Variants in INIP observed in about 807,000 individuals in gnomAD.
INIP encodes the protein SOSS complex subunit C.
A neutral mutation model predicts 14.0 loss-of-function variants in INIP; 9 were observed. The ratio of observed to expected loss-of-function variants is 0.64; its 90% CI spans 0.39 to 1.12. The LOEUF (loss-of-function observed/expected upper bound fraction) is 1.12. INIP is among the 50% of genes most tolerant of loss of function. The pLI is 0.01. For missense variants in INIP, 78 were observed against 122.7 expected (o/e 0.64, Z 1.72); for synonymous variants, 37 against 41.5 (o/e 0.89, Z 0.41).
At position 112,684,043 on chromosome 9, in the gene INIP, T is replaced by A. The variant is rs1260288449; in HGVS notation, c.*3495A>T. 3 of 152,106 alleles carry A rather than the reference T, an allele frequency of 2.0e-5. No individual in the cohort carries two copies. Among genetic ancestry groups the A allele is most frequent in the Admixed American group, 2.0e-4 (3 of 15,270 alleles). 9.4% of individuals were successfully genotyped at this position (152,106 alleles called of 1,614,324 possible). A position where few individuals can be genotyped will look rare whatever the true frequency, so the allele number is the denominator to read the frequency against. ...TGCCATAACTCACAGTAAAAAAAAA[T>A]ACATTTTATATTGCAACTCAAGTCT... is the stretch of plus-strand genomic sequence containing the variant. On this transcript the variant is annotated 3_prime_UTR_variant, in exon 5 of 5. Transcript: ENST00000374242.
intron 2 of INIP, among the ~76,000 whole-genome samples, chr9:112,713,898 C>T (rs796694781): frequency 7.9e-5 from 12 of 151,800 alleles, no homozygotes; most frequent in East Asian, 3.9e-4. Context: ...GCAGGAGAAT[C>T]GCTTGAACCC....
At chr9:112,693,927 T>A in intron 3 of INIP, 1 of 351,154 alleles carries the variant, frequency 2.8e-6, no homozygotes, top group Non-Finnish European at 5.1e-6. Context: ...ATACAAAAAT[T>A]TGCTGGGTGT....
intron 2 of INIP, among the ~76,000 whole-genome samples, chr9:112,707,644 C>T (rs1248050903): frequency 6.6e-6 from 1 of 152,102 alleles, no homozygotes; most frequent in Non-Finnish European, 1.5e-5. Context: ...TAAAGACTAA[C>T]TGAAATTCTT....
At chr9:112,696,863 G>A (rs1321672493) in intron 2 of INIP, among the ~76,000 whole-genome samples, 1 of 152,196 alleles carries the variant, frequency 6.6e-6, no homozygotes. Flanking sequence ...AAGGGACATG[G>A]AGCTTTAACA....
At chr9:112,694,752 T>C (rs1421646914) in intron 2 of INIP, among the ~76,000 whole-genome samples, 1 of 152,196 alleles carries the variant, frequency 6.6e-6, no homozygotes, top group Non-Finnish European at 1.5e-5. Flanking sequence ...TCCATTCAGA[T>C]ATGTTGGATA....
In INIP at chr9:112,684,863, G is replaced by C. The variant is rs1446043393; in HGVS notation, c.*2675C>G. 6.6e-6 allele frequency: 1 copy of C among 152,178 alleles called. No homozygotes were observed. Among genetic ancestry groups the C allele is most frequent in the Non-Finnish European group, 1.5e-5 (1 of 68,048 alleles). The allele number at this position is 152,178 out of a possible 1,614,324, so 9.4% of individuals were successfully genotyped here. On this transcript the variant is annotated 3_prime_UTR_variant, in exon 5 of 5. Coordinates refer to ENST00000374242, the MANE Select transcript of INIP (RefSeq NM_021218.3). ...AGTTCCTCAAATTCACCCATGATCT[G>C]AGGGAAGCAATGCTGACCTCCACCT... is the stretch of plus-strand genomic sequence containing the variant.
intron 3 of INIP, among the ~76,000 whole-genome samples, chr9:112,692,652 A>C (rs897707258): frequency 6.6e-6 from 1 of 151,886 alleles, no homozygotes; most frequent in Non-Finnish European, 1.5e-5. Flanking sequence ...TCATCAAGCT[A>C]CCTAAATTTG....
At chr9:112,707,130 G>A (rs1838499130) in intron 2 of INIP, among the ~76,000 whole-genome samples, 1 of 151,824 alleles carries the variant, frequency 6.6e-6, no homozygotes, top group African/African-American at 2.4e-5. Flanking sequence ...GTAGAGATGG[G>A]GTTTCTCCAT....
At chr9:112,691,607 G>A (rs1283035892) in intron 3 of INIP, among the ~76,000 whole-genome samples, 1 of 152,246 alleles carries the variant, frequency 6.6e-6, no homozygotes. Context: ...TCGAAGGGCT[G>A]TCAGCATTCA....
At chr9:112,716,284 C>A (rs942088723) in intron 2 of INIP, among the ~76,000 whole-genome samples, 177 bp downstream of exon 2, 6 of 152,100 alleles carry the variant, frequency 3.9e-5, no homozygotes, top group African/African-American at 1.4e-4. Context: ...TCAAGCAGTC[C>A]ACCCGACTTG....
At chr9:112,689,421 A>C (rs1659519335) in intron 4 of INIP, 106 bp downstream of exon 4, 2 of 884,748 alleles carry the variant, frequency 2.3e-6, no homozygotes, top group South Asian at 2.9e-5. Flanking sequence ...TTATGTGTGG[A>C]ACATTTTTAT....
chr9:112,687,931 A>G (rs1452463546), intron 4 of INIP, among the ~76,000 whole-genome samples: 1 of 151,938 alleles, frequency 6.6e-6, no homozygotes, highest in Non-Finnish European at 1.5e-5. Context: ...TAAAAATACA[A>G]AAAAGTTAGC....
At chr9:112,704,988 G>A (rs931956205) in intron 2 of INIP, among the ~76,000 whole-genome samples, 18 of 151,634 alleles carry the variant, frequency 1.2e-4, no homozygotes, top group African/African-American at 4.8e-5. Flanking sequence ...GTGCACACTT[G>A]TGGTCCCAGT....
At chr9:112,693,471 T>C (rs571862912) in intron 3 of INIP, among the ~76,000 whole-genome samples, 1 of 152,340 alleles carries the variant, frequency 6.6e-6, no homozygotes, top group East Asian at 1.9e-4. Context: ...AAAATCCCTT[T>C]TGTTTGTTCC....
chr9:112,702,565 A>T (rs1264815086), intron 2 of INIP, among the ~76,000 whole-genome samples: 1 of 152,028 alleles, frequency 6.6e-6, no homozygotes, highest in East Asian at 1.9e-4. Flanking sequence ...GAATTTTTTT[A>T]TTATTTATTT....
intron 3 of INIP, among the ~76,000 whole-genome samples, chr9:112,690,644 C>G (rs1470938013): frequency 6.6e-6 from 1 of 152,202 alleles, no homozygotes; most frequent in Non-Finnish European, 1.5e-5. Flanking sequence ...CAGGCTCATG[C>G]CCCAGGGGGT....
chr9:112,687,829 T>C (rs1390428706), intron 4 of INIP, among the ~76,000 whole-genome samples, 196 bp from the exon 5 acceptor site: 1 of 152,152 alleles, frequency 6.6e-6, no homozygotes, highest in African/African-American at 2.4e-5. Context: ...CTCACACTGG[T>C]AATCCCAGCA....
intron 2 of INIP, among the ~76,000 whole-genome samples, chr9:112,713,714 G>C (rs574776793): frequency 6.7e-6 from 1 of 149,262 alleles, no homozygotes; most frequent in East Asian, 2.0e-4. Flanking sequence ...TCTGAGGCCG[G>C]GCACAGTGGC....
chr9:112,690,777 TCTC>T (rs1157286679), intron 3 of INIP, among the ~76,000 whole-genome samples: 1 of 152,198 alleles, frequency 6.6e-6, no homozygotes, highest in East Asian at 1.9e-4. Context: ...CTGAGAGTGT[TCTC>T]CTCACTCTTA....
Sources: gnomAD v4.1 joint callset for allele counts (sites outside exome capture counted in the v4.1 genomes callset) on GRCh38, gnomAD v4.1.1 for gene constraint, MANE v1.5 for transcripts, NCBI Gene and HGNC (gene_info 2026-07-23, HGNC 2026-07-21) for gene names.